Variants in COL15A1 observed in about 807,000 individuals in gnomAD.
COL15A1 encodes collagen type XV alpha 1 chain, also known as collagen alpha-1(XV) chain.
COL15A1 carries 111 observed loss-of-function variants against 165.9 expected under a neutral mutation model. The ratio of observed to expected loss-of-function variants is 0.67; its 90% CI spans 0.57 to 0.78. The LOEUF is 0.78. Among genes scored for constraint, COL15A1 ranks in the 30% least tolerant of loss-of-function variants. COL15A1 has a pLI of 0.00. For missense variants in COL15A1, 1,745 were observed against 1,789.7 expected (o/e 0.98, Z 0.45); for synonymous variants, 659 against 674.8 (o/e 0.98, Z 0.36).
chr9:99,054,662 C>T lies in COL15A1; in HGVS notation c.3031+6C>T, dbSNP rs963235405. 1 of 1,603,044 alleles carries T rather than the reference C, an allele frequency of 6.2e-7. No homozygotes were observed. The highest frequency in any genetic ancestry group is 1.4e-5 in the African/African-American group (1 of 73,850). ...GGGAGCCCAGGGACCACCAGGTATT[C>T]CAGCTCTTGTTCTCAATCTTGCCTT... is the stretch of plus-strand genomic sequence containing the variant. On this transcript the variant is annotated splice_donor_region_variant and intron_variant, in intron 32 of 41. Transcript: ENST00000375001.
At chr9:98,983,868 C>T (rs1009476387) in intron 2 of COL15A1, among the ~76,000 whole-genome samples, 1 of 152,186 alleles carries the variant, frequency 6.6e-6, no homozygotes, top group East Asian at 1.9e-4. Context: ...GGAGTTCACA[C>T]AGCTACGTAG....
Position 99,067,062 on chromosome 9 carries a change from C to T in COL15A1, c.3832C>T (p.Leu1278Phe). Residue 1278 changes from leucine (L) to phenylalanine (F), a missense_variant, in exon 40 of 42, where the codon CTC (leucine) becomes TTC (phenylalanine). By Grantham distance (22) the Leu-to-Phe change is conservative. Transcript: ENST00000375001. ...AERYSLPIVN[L>F]KGQVLFNNWD... ...GAGATACAGCCTTCCCATAGTGAAC[C>T]TCAAGGTAAAAATAAATATGGTTCC... 1.9e-6 allele frequency: 3 copies of T among 1,612,252 alleles called. No individual in the cohort carries two copies. Among genetic ancestry groups the T allele is most frequent in the Non-Finnish European group, 2.5e-6 (3 of 1,179,036 alleles).
intron 2 of COL15A1, among the ~76,000 whole-genome samples, chr9:98,984,771 CA>C (rs1838282107): frequency 6.6e-6 from 1 of 152,150 alleles, no homozygotes; most frequent in Non-Finnish European, 1.5e-5. Context: ...TCATTCAAAA[CA>C]AAACAAACCT....
intron 24 of COL15A1, among the ~76,000 whole-genome samples, chr9:99,043,532 C>T (rs376777028): frequency 6.6e-6 from 1 of 152,166 alleles, no homozygotes; most frequent in African/African-American, 2.4e-5. Flanking sequence ...AGTGAACGTG[C>T]TTTCTCTCAC....
chr9:99,036,444 C>G (rs752790024), intron 21 of COL15A1, 48 bp downstream of exon 21: 4 of 1,594,012 alleles, frequency 2.5e-6, no homozygotes, highest in Non-Finnish European at 3.4e-6. Context: ...TCCACCTTTG[C>G]CAAAGGGAGG....
chr9:99,002,493 T>C (rs1220656001), intron 7 of COL15A1, among the ~76,000 whole-genome samples: 1 of 152,186 alleles, frequency 6.6e-6, no homozygotes, highest in African/African-American at 2.4e-5. Flanking sequence ...CCTGTATGGT[T>C]TCTTACACAG....
Position 99,066,963 on chromosome 9 carries a change from G to C in COL15A1, c.3733G>C (p.Gly1245Arg). ...GTGCTTCAAGCAGGCCAGAGCTGCA[G>C]GACTGTTGTCCACCTACCGAGCATT... ...FQCFKQARAAGLLSTYRAFLS... is the reference protein window; with the variant it reads ...FQCFKQARAARLLSTYRAFLS... The change falls in exon 40 of 42, where the codon GGA (glycine) becomes CGA (arginine). Residue 1245 changes from glycine to arginine, a missense_variant. Physicochemically the swap from Gly to Arg is moderately radical, Grantham distance 125. Coordinates refer to ENST00000375001, the MANE Select transcript of COL15A1 (RefSeq NM_001855.5). 1 of 1,614,152 alleles carries C rather than the reference G, an allele frequency of 6.2e-7. No homozygotes were observed. Among genetic ancestry groups the C allele is most frequent in the Non-Finnish European group, 8.5e-7 (1 of 1,180,022 alleles).
chr9:99,065,474 G>A (rs568928428), intron 39 of COL15A1, among the ~76,000 whole-genome samples: 3 of 152,084 alleles, frequency 2.0e-5, no homozygotes, highest in Admixed American at 1.3e-4. Context: ...GGGTGTATAT[G>A]TGGAGGTGGA....
At chr9:98,997,688 G>C (rs2118927409) in intron 6 of COL15A1, among the ~76,000 whole-genome samples, 1 of 152,370 alleles carries the variant, frequency 6.6e-6, no homozygotes, top group East Asian at 1.9e-4. Context: ...TAGGAGAAGA[G>C]CTGGTCCCCT....
Position 99,025,920 on chromosome 9 carries a change from C to G in COL15A1, c.1997C>G (p.Pro666Arg). ...GTTCCCCAGGGCCCTGAGGGACAGCCTGGAGTTGATGGAGCCACCGGCCTT... is the reference window on the plus strand; with the variant it reads ...GTTCCCCAGGGCCCTGAGGGACAGCGTGGAGTTGATGGAGCCACCGGCCTT... ...EPGPPGPEGQ[P>R]GVDGATGLPG... Residue 666 changes from proline to arginine, a missense_variant, in exon 16 of 42, where the codon CCT (proline) becomes CGT (arginine). Pro to Arg is a moderately radical substitution (Grantham distance 103, BLOSUM62 -2). Transcript: ENST00000375001. 3.1e-6 allele frequency: 5 copies of G among 1,613,092 alleles called. No homozygotes were observed. Among genetic ancestry groups the G allele is most frequent in the Non-Finnish European group, 4.2e-6 (5 of 1,179,704 alleles).
chr9:98,989,706 A>G (rs1193049296), intron 5 of COL15A1, among the ~76,000 whole-genome samples: 1 of 152,220 alleles, frequency 6.6e-6, no homozygotes, highest in Non-Finnish European at 1.5e-5. Context: ...ATGGCCCTGA[A>G]CGATGGCTCT....
chr9:98,990,368 G>A (rs545499938), intron 5 of COL15A1, among the ~76,000 whole-genome samples: 1 of 152,178 alleles, frequency 6.6e-6, no homozygotes, highest in Non-Finnish European at 1.5e-5. Context: ...CAAGGATGGC[G>A]GCCAACTCTT....
At chr9:98,987,264 C>T (rs374003209) in intron 3 of COL15A1, 30 bp from the exon 4 acceptor site, 32 of 1,606,212 alleles carry the variant, frequency 2.0e-5, no homozygotes, top group Middle Eastern at 1.7e-4. Context: ...ACGTGCAAAC[C>T]GTGGCTTCTG....
At chr9:99,061,310 A>G (rs1378190398) in intron 36 of COL15A1, among the ~76,000 whole-genome samples, 1 of 151,902 alleles carries the variant, frequency 6.6e-6, no homozygotes, top group South Asian at 2.1e-4. Flanking sequence ...AAAAATAAAA[A>G]CTCTCTTGGC....
At chr9:99,014,636 A>G (rs1366061514) in intron 9 of COL15A1, among the ~76,000 whole-genome samples, 3 of 152,182 alleles carry the variant, frequency 2.0e-5, no homozygotes, top group East Asian at 3.8e-4. Context: ...AATATCTGAG[A>G]CAGGTCTCAG....
chr9:98,961,019 A>G (rs1209632053), intron 2 of COL15A1, among the ~76,000 whole-genome samples: 5 of 152,224 alleles, frequency 3.3e-5, no homozygotes, highest in African/African-American at 1.2e-4. Context: ...GATGTGGGGA[A>G]AGTGAAACAT....
chr9:99,029,625 C>T (rs1291874445), intron 16 of COL15A1, among the ~76,000 whole-genome samples: 1 of 152,098 alleles, frequency 6.6e-6, no homozygotes, highest in African/African-American at 2.4e-5. Flanking sequence ...TATAGGCCTC[C>T]ATAAAACCAA....
chr9:99,040,738 G>A, intron 23 of COL15A1, 182 bp downstream of exon 23: 2 of 1,089,032 alleles, frequency 1.8e-6, no homozygotes, highest in East Asian at 2.6e-5. Flanking sequence ...AGGCTGGTCT[G>A]GAACTCCTGA....
intron 2 of COL15A1, among the ~76,000 whole-genome samples, chr9:98,972,915 A>G (rs1838084508): frequency 6.6e-6 from 1 of 152,236 alleles, no homozygotes; most frequent in African/African-American, 2.4e-5. Context: ...GCCCAGCTTC[A>G]CATCTTCAGT....
Sources: allele counts gnomAD v4.1 joint callset (sites outside exome capture counted in the v4.1 genomes callset), GRCh38; gene constraint gnomAD v4.1.1; transcripts MANE v1.5; gene names NCBI Gene and HGNC (gene_info 2026-07-23, HGNC 2026-07-21).